COLEC12: variants seen among roughly 807,000 people sequenced by gnomAD.
COLEC12 encodes the protein collectin-12.
A neutral mutation model predicts 71.1 loss-of-function variants in COLEC12; 33 were observed. That is an observed-to-expected ratio of 0.46 (90% CI 0.35 to 0.62). COLEC12 has a LOEUF of 0.62. Ranked by LOEUF, COLEC12 falls within the 20% of genes least tolerant of loss-of-function variation. The pLI is 0.00. For missense variants in COLEC12, 765 were observed against 916.1 expected, an observed-to-expected ratio of 0.84 and a Z score of 2.13; for synonymous variants, 350 against 353.0, an observed-to-expected ratio of 0.99 and a Z score of 0.10.
At chr18:484,583 GT>G (rs1446016488) in intron 1 of COLEC12, among the ~76,000 whole-genome samples, 1 of 152,126 alleles carries the variant, frequency 6.6e-6, no homozygotes, top group Admixed American at 6.5e-5. Context: ...CAATGTTTTT[GT>G]TTTTTGGGGG....
At chr18:398,774 A>G (rs1439824692) in intron 2 of COLEC12, among the ~76,000 whole-genome samples, 1 of 152,262 alleles carries the variant, frequency 6.6e-6, no homozygotes, top group Non-Finnish European at 1.5e-5. Flanking sequence ...CTGACATTGA[A>G]GCCAACTGAA....
rs914236630 is a variant in COLEC12 at position 399,544 on chromosome 18, T to C, written c.59-42022A>G. On this transcript the variant is annotated intron_variant, in intron 2 of 9. Transcript: ENST00000400256. This position sits in a 1 kb window ranked among gnomAD's most constrained non-coding sequence, Gnocchi z 4.0. ...TGACCTCCTCCTAAGTGTCAGGCCC[T>C]GGGGATATGCTGGGGAATGGAGCAC... is the stretch of plus-strand genomic sequence containing the variant. Among the ~76,000 whole-genome samples, 1 of 152,176 alleles carries C rather than the reference T, an allele frequency of 6.6e-6. No individual in the cohort carries two copies. Among genetic ancestry groups the C allele is most frequent in the Non-Finnish European group, 1.5e-5 (1 of 68,030 alleles).
rs905918866 is a variant in COLEC12, at chr18:408,990, G to A, written c.59-51468C>T. 1.3e-5 allele frequency among the ~76,000 whole-genome samples: 2 copies of A among 151,772 alleles called. No homozygotes were observed. The highest frequency in any genetic ancestry group is 2.4e-5 in the African/African-American group (1 of 41,278). ...TGGTATTACAGGCACATACCACCACGCCTAGCTAAATTTTGTATTTTTTTT... is the reference window on the plus strand; with the variant it reads ...TGGTATTACAGGCACATACCACCACACCTAGCTAAATTTTGTATTTTTTTT... On this transcript the variant is annotated intron_variant, in intron 2 of 9. Coordinates refer to ENST00000400256, the MANE Select transcript of COLEC12 (RefSeq NM_130386.3). This position sits in a 1 kb window ranked among gnomAD's most constrained non-coding sequence, Gnocchi z 4.3.
chr18:473,777 C>T (rs1917250510), intron 2 of COLEC12, among the ~76,000 whole-genome samples: 1 of 152,204 alleles, frequency 6.6e-6, no homozygotes, highest in Admixed American at 6.5e-5. Flanking sequence ...ACACTGGAAA[C>T]AACCTAAATG....
chr18:343,054 C>T (rs1027803565), intron 5 of COLEC12, among the ~76,000 whole-genome samples: 1 of 152,174 alleles, frequency 6.6e-6, no homozygotes, highest in Non-Finnish European at 1.5e-5. Context: ...CACTCACTCC[C>T]CACAGCCAAT....
intron 1 of COLEC12, among the ~76,000 whole-genome samples, chr18:499,795 T>G (rs998090259): frequency 2.6e-5 from 4 of 152,224 alleles, no homozygotes; most frequent in African/African-American, 9.6e-5. Context: ...CATCTGACAC[T>G]TCCATAAACC....
intron 2 of COLEC12, among the ~76,000 whole-genome samples, chr18:384,310 G>C (rs980492171): frequency 3.6e-4 from 54 of 152,088 alleles, no homozygotes; most frequent in African/African-American, 1.1e-3. Context: ...CTCACCTGGA[G>C]GATGGTACCC....
At chr18:464,292 A>G (rs1406372339) in intron 2 of COLEC12, among the ~76,000 whole-genome samples, 4 of 152,182 alleles carry the variant, frequency 2.6e-5, no homozygotes, top group African/African-American at 9.7e-5. Flanking sequence ...CAGCATCCCT[A>G]ATAAACACAG....
chr18:325,313 C>T (rs963604943), intron 8 of COLEC12, among the ~76,000 whole-genome samples: 2 of 152,172 alleles, frequency 1.3e-5, no homozygotes, highest in East Asian at 1.9e-4. Flanking sequence ...AGCTGTGACT[C>T]GTAGTGTGAC....
At chr18:363,425 C>T (rs551346058) in intron 2 of COLEC12, among the ~76,000 whole-genome samples, 1 of 152,196 alleles carries the variant, frequency 6.6e-6, no homozygotes, top group East Asian at 1.9e-4. Flanking sequence ...GTGGTGTTGC[C>T]ATAAAGATCA....
intron 2 of COLEC12, among the ~76,000 whole-genome samples, chr18:375,221 G>GC (rs930770506): frequency 6.6e-6 from 1 of 152,168 alleles, no homozygotes; most frequent in Non-Finnish European, 1.5e-5. Flanking sequence ...TACACTGTCT[G>GC]CCTCCAAAGC....
intron 3 of COLEC12, among the ~76,000 whole-genome samples, chr18:349,484 T>C (rs187309323): frequency 1.1e-4 from 16 of 152,172 alleles, no homozygotes; most frequent in Non-Finnish European, 2.1e-4. Context: ...GCTAGGGCAG[T>C]GTGGAAGGGA....
chr18:496,968 T>C (rs1002047966), intron 1 of COLEC12, among the ~76,000 whole-genome samples: 1 of 152,042 alleles, frequency 6.6e-6, no homozygotes, highest in Non-Finnish European at 1.5e-5. Context: ...CAAAAAGCCA[T>C]GAGATTGATG....
In COLEC12 at chr18:334,861, C is replaced by T; in HGVS notation, c.1697G>A (p.Gly566Asp). The change falls in exon 6 of 10, where the codon GGC becomes GAC. Residue 566 changes from glycine (G) to aspartate (D), a missense_variant. By Grantham distance (94) the Gly-to-Asp change is moderately conservative. Coordinates refer to ENST00000400256, the MANE Select transcript of COLEC12 (RefSeq NM_130386.3). Reference sequence around the variant, plus strand: ...TGGCATGCCTGGTACCCCAGGCAAGCCTGGCAGTCCCCGAGGTCCAGGCAC... The same window carrying T: ...TGGCATGCCTGGTACCCCAGGCAAGTCTGGCAGTCCCCGAGGTCCAGGCAC... ...PGVPGPRGLPGLPGVPGMPGP... is the reference protein window; with the variant it reads ...PGVPGPRGLPDLPGVPGMPGP... 6.6e-7 allele frequency: 1 copy of T among 1,525,120 alleles called. No homozygotes were observed. The highest frequency in any genetic ancestry group is 2.5e-5 in the East Asian group (1 of 39,542). 94.5% of individuals were successfully genotyped at this position (1,525,120 alleles called of 1,614,324 possible). A position where few individuals can be genotyped will look rare whatever the true frequency, so the allele number is the denominator to read the frequency against.
intron 2 of COLEC12, among the ~76,000 whole-genome samples, chr18:446,565 T>G (rs1489522489): frequency 6.6e-6 from 1 of 151,362 alleles, no homozygotes; most frequent in Non-Finnish European, 1.5e-5. Context: ...TTTTTTTTTT[T>G]TTTTGTTTAA....
At chr18:380,200 C>T (rs548438309) in intron 2 of COLEC12, among the ~76,000 whole-genome samples, 135 of 152,280 alleles carry the variant, frequency 8.9e-4, no homozygotes, top group Non-Finnish European at 1.4e-3. Flanking sequence ...TACTCTTTAC[C>T]GTCATCTTTC....
chr18:351,504 C>T (rs1019061049), intron 3 of COLEC12, among the ~76,000 whole-genome samples: 2 of 152,148 alleles, frequency 1.3e-5, no homozygotes, highest in African/African-American at 2.4e-5. Flanking sequence ...TCCATCTCTT[C>T]CTCTTAGCTC....
chr18:326,130 C>T (rs1012221358), intron 8 of COLEC12, among the ~76,000 whole-genome samples: 3 of 152,056 alleles, frequency 2.0e-5, no homozygotes, highest in African/African-American at 7.2e-5. Flanking sequence ...TATAAGTGTC[C>T]CTTTCTAAAT....
rs761337861 is a variant in COLEC12, at chr18:334,985, C to A, written c.1573G>T (p.Asp525Tyr). The change falls in exon 6 of 10, where the codon GAC becomes TAC. Residue 525 changes from aspartate to tyrosine, a missense_variant. Physicochemically the swap from Asp to Tyr is radical, Grantham distance 160. Transcript: ENST00000400256. ...GKPGPQGSSG[D>Y]PGPPGPPGKE... ...CCTGGTGGGCCCGGGGGGCCTGGGTCCCCACTGGAGCCCTGAGGGCCGGGC... is the reference window on the plus strand; with the variant it reads ...CCTGGTGGGCCCGGGGGGCCTGGGTACCCACTGGAGCCCTGAGGGCCGGGC... 6.4e-7 allele frequency: 1 copy of A among 1,562,312 alleles called. No individual in the cohort carries two copies. Among genetic ancestry groups the A allele is most frequent in the Non-Finnish European group, 8.6e-7 (1 of 1,158,510 alleles).
Sources: gnomAD v4.1 joint callset for allele counts (sites outside exome capture counted in the v4.1 genomes callset) on GRCh38, gnomAD v4.1.1 for gene constraint, Gnocchi (gnomAD v3.1) non-coding constraint, MANE v1.5 for transcripts, NCBI Gene and HGNC (gene_info 2026-07-23, HGNC 2026-07-21) for gene names.